ARHGAP42: variants seen among roughly 807,000 people sequenced by gnomAD.
ARHGAP42 encodes rho GTPase-activating protein 42.
ARHGAP42 carries 63 observed loss-of-function variants against 125.0 expected under a neutral mutation model. The observed-to-expected ratio is 0.50, with a 90% CI of 0.41 to 0.62. The LOEUF (loss-of-function observed/expected upper bound fraction) is 0.62. Ranked by LOEUF, ARHGAP42 falls within the 20% of genes least tolerant of loss-of-function variation. The probability of loss-of-function intolerance (pLI) is 0.00; values close to 1 mark genes in which losing one functional copy is unlikely to be tolerated. For missense variants in ARHGAP42, 766 were observed against 1,024.2 expected (o/e 0.75, Z 3.44); for synonymous variants, 339 against 351.0 (o/e 0.97, Z 0.38).
chr11:100,885,350 G>A (rs1249292441), intron 4 of ARHGAP42, among the ~76,000 whole-genome samples: 2 of 152,086 alleles, frequency 1.3e-5, no homozygotes, highest in African/African-American at 4.8e-5. Flanking sequence ...TTCTTCTGTT[G>A]AATCTTAAAG....
At chr11:100,718,344 G>T (rs1378516613) in intron 1 of ARHGAP42, among the ~76,000 whole-genome samples, 3 of 152,164 alleles carry the variant, frequency 2.0e-5, no homozygotes, top group South Asian at 2.1e-4. Context: ...GGTCAAGAAA[G>T]AATTTATTTA....
chr11:100,808,922 A>C (rs1864071294), intron 3 of ARHGAP42, among the ~76,000 whole-genome samples: 2 of 152,210 alleles, frequency 1.3e-5, no homozygotes. Context: ...GTTCTTATCA[A>C]GATGCTATGT....
chr11:100,903,770 GT>G (rs1187918067), intron 4 of ARHGAP42, among the ~76,000 whole-genome samples: 1 of 125,252 alleles, frequency 8.0e-6, no homozygotes, highest in Non-Finnish European at 1.6e-5. Context: ...GTAAAGGAAA[GT>G]TTATTAAGTT....
chr11:100,691,541 T>C (rs987607384), intron 1 of ARHGAP42, among the ~76,000 whole-genome samples: 5 of 152,122 alleles, frequency 3.3e-5, no homozygotes, highest in East Asian at 1.9e-4. Context: ...TTTATTTATT[T>C]TGAGACAGGG....
intron 1 of ARHGAP42, among the ~76,000 whole-genome samples, chr11:100,735,862 C>T (rs978066429): frequency 2.0e-5 from 3 of 152,144 alleles, no homozygotes; most frequent in South Asian, 2.1e-4. Flanking sequence ...GCCATCCACC[C>T]GCCTCAGCCT....
intron 1 of ARHGAP42, among the ~76,000 whole-genome samples, chr11:100,690,545 A>G (rs1435029671): frequency 6.6e-6 from 1 of 152,180 alleles, no homozygotes; most frequent in Non-Finnish European, 1.5e-5. Context: ...AATTTTAAAT[A>G]ATACATATAA....
chr11:100,794,032 C>T (rs892462803), intron 2 of ARHGAP42, among the ~76,000 whole-genome samples: 1 of 122,066 alleles, frequency 8.2e-6, no homozygotes, highest in Non-Finnish European at 1.6e-5. Flanking sequence ...GCAGTGATTT[C>T]ACCACTGCTC....
At chr11:100,722,269 T>C (rs1198556998) in intron 1 of ARHGAP42, among the ~76,000 whole-genome samples, 3 of 152,228 alleles carry the variant, frequency 2.0e-5, no homozygotes, top group Admixed American at 1.3e-4. Context: ...GTTCAGATCT[T>C]TTGCCTTTTT....
intron 12 of ARHGAP42, among the ~76,000 whole-genome samples, chr11:100,951,468 T>G (rs1380934825): frequency 2.0e-5 from 3 of 152,188 alleles, no homozygotes; most frequent in Non-Finnish European, 4.4e-5. Flanking sequence ...ATGTGTTTTC[T>G]AACATTAGTT....
At chr11:100,966,212 T>C (rs999926576) in intron 17 of ARHGAP42, among the ~76,000 whole-genome samples, 26 of 152,166 alleles carry the variant, frequency 1.7e-4, no homozygotes, top group African/African-American at 5.3e-4. Flanking sequence ...TCACTTGATC[T>C]CTGGAGATTT....
In ARHGAP42 at chr11:100,993,212, A is replaced by G. The variant is rs76026557; in HGVS notation, c.*4411A>G. 17,158 of 167,410 alleles carry G rather than the reference A, an allele frequency of 0.1. 1,256 individuals are homozygous for G. The highest frequency in any genetic ancestry group is 0.13 in the Non-Finnish European group (8,683 of 68,396). 10.4% of individuals were successfully genotyped at this position (167,410 alleles called of 1,614,324 possible). On this transcript the variant is annotated 3_prime_UTR_variant, in exon 24 of 24. Coordinates refer to ENST00000298815, the MANE Select transcript of ARHGAP42 (RefSeq NM_152432.4). ...GGTGTTTTTGCATCCAGAGTTGACA[A>G]CAACTCAATTTTGCCTTGAATTTAC...
chr11:100,770,814 G>A lies in ARHGAP42; in HGVS notation c.250+376G>A, dbSNP rs549285216. Among the ~76,000 whole-genome samples, 204 of 152,280 alleles carry A rather than the reference G, an allele frequency of 1.3e-3. No individual in the cohort carries two copies. In the Middle Eastern group the frequency reaches 0.014, roughly 10 times the overall value. On this transcript the variant is annotated intron_variant, in intron 2 of 23. Transcript: ENST00000298815. Reference sequence around the variant, plus strand: ...GCCTGGTCTCGAACTCTTGACCTCAGGTGATCCACCCGCCTCGACCTCCCA... The same window carrying A: ...GCCTGGTCTCGAACTCTTGACCTCAAGTGATCCACCCGCCTCGACCTCCCA...
At chr11:100,975,872 A>G (rs1858376589) in intron 19 of ARHGAP42, among the ~76,000 whole-genome samples, 185 bp from the exon 20 acceptor site, 2 of 152,292 alleles carry the variant, frequency 1.3e-5, no homozygotes, top group South Asian at 4.1e-4. Flanking sequence ...GCAAGTTCAA[A>G]TGCATATTTT....
chr11:100,935,245 A>C (rs1867702157), intron 7 of ARHGAP42, among the ~76,000 whole-genome samples: 1 of 152,156 alleles, frequency 6.6e-6, no homozygotes, highest in South Asian at 2.1e-4. Flanking sequence ...TCATAGAGAA[A>C]AGTCTGATTC....
intron 3 of ARHGAP42, among the ~76,000 whole-genome samples, chr11:100,850,770 G>C (rs1865184700): frequency 6.6e-6 from 1 of 151,570 alleles, no homozygotes; most frequent in South Asian, 2.1e-4. Context: ...CACATGTAAG[G>C]CTTTCTGGTT....
intron 2 of ARHGAP42, among the ~76,000 whole-genome samples, chr11:100,787,753 G>A (rs535244302): frequency 1.3e-5 from 2 of 152,266 alleles, no homozygotes; most frequent in East Asian, 1.9e-4. Flanking sequence ...CTAGACTATG[G>A]GTCATAACCC....
chr11:100,722,738 C>G (rs1001746593), intron 1 of ARHGAP42, among the ~76,000 whole-genome samples: 2 of 152,190 alleles, frequency 1.3e-5, no homozygotes, highest in Admixed American at 1.3e-4. Flanking sequence ...AGCTTTACTT[C>G]CAGTCTACAG....
chr11:100,806,743 A>G (rs1440186618), intron 3 of ARHGAP42, among the ~76,000 whole-genome samples: 2 of 152,210 alleles, frequency 1.3e-5, no homozygotes, highest in Non-Finnish European at 2.9e-5. Flanking sequence ...TAGATCATAT[A>G]CAGTTTATCA....
chr11:100,937,768 A>G (rs544066905), intron 8 of ARHGAP42, among the ~76,000 whole-genome samples: 1 of 152,332 alleles, frequency 6.6e-6, no homozygotes, highest in East Asian at 1.9e-4. Context: ...TTAGCTTGCA[A>G]TATTATTTTG....
Sources: allele counts gnomAD v4.1 joint callset (sites outside exome capture counted in the v4.1 genomes callset), GRCh38; gene constraint gnomAD v4.1.1; transcripts MANE v1.5; gene names NCBI Gene and HGNC (gene_info 2026-07-23, HGNC 2026-07-21).